GLUL: variants seen among roughly 807,000 people sequenced by gnomAD.
The protein encoded by GLUL is glutamate-ammonia ligase.
Under a neutral mutation model 36.9 loss-of-function variants are expected in GLUL, and 8 were observed. The observed-to-expected ratio is 0.22, with a 90% CI of 0.13 to 0.39. The LOEUF (loss-of-function observed/expected upper bound fraction) is 0.39. GLUL is among the 10% of genes least tolerant of loss of function. The pLI is 1.00. For missense variants in GLUL, 315 were observed against 501.8 expected, an observed-to-expected ratio of 0.63 and a Z score of 3.56; for synonymous variants, 182 against 172.8, an observed-to-expected ratio of 1.05 and a Z score of -0.42.
In GLUL at chr1:182,378,962, A is replaced by G. The variant is rs565316462; in HGVS notation, c.*5443T>C. ...AAGCCCGGCTAATTTTTGTATTTTTAGTAGAGATGGGGTTTCACCATGGTG... is the reference window on the plus strand; with the variant it reads ...AAGCCCGGCTAATTTTTGTATTTTTGGTAGAGATGGGGTTTCACCATGGTG... On this transcript the variant is annotated 3_prime_UTR_variant, in exon 7 of 7. Transcript: ENST00000331872. Among the ~76,000 whole-genome samples, 4 of 151,896 alleles carry G rather than the reference A, an allele frequency of 2.6e-5. No individual in the cohort carries two copies. Among genetic ancestry groups the G allele is most frequent in the African/African-American group, 9.7e-5 (4 of 41,424 alleles).
At chr1:182,385,921 AAGAAATCC>A in intron 4 of GLUL, 34 bp from the exon 5 acceptor site, 1 of 1,607,966 alleles carries the variant, frequency 6.2e-7, no homozygotes, top group Non-Finnish European at 8.5e-7. Flanking sequence ...ACTAAGAGTC[AAGAAATCC>A]AGAGAATCCC....
chr1:182,386,116 T>G (rs1261570620), intron 4 of GLUL, 140 bp downstream of exon 4: 54 of 947,308 alleles, frequency 5.7e-5, no homozygotes, highest in Non-Finnish European at 1.7e-6. Context: ...ATTTTTGGAC[T>G]TTGGTGATGT....
Position 182,380,176 on chromosome 1 carries a change from C to T in GLUL, c.*4229G>A, listed in dbSNP as rs758968301. ...ATAACTCTTAAAGCAACACAAGGCT[C>T]TTGGTAGCCTGATTACAATGAGAAT... On this transcript the variant is annotated 3_prime_UTR_variant, in exon 7 of 7. Transcript: ENST00000331872. 1.3e-5 allele frequency among the ~76,000 whole-genome samples: 2 copies of T among 152,198 alleles called. No homozygotes were observed. The highest frequency in any genetic ancestry group is 6.5e-5 in the Admixed American group (1 of 15,278).
In GLUL at chr1:182,382,252, C is replaced by T. The variant is rs916621349; in HGVS notation, c.*2153G>A. 1 of 152,164 alleles carries T rather than the reference C, an allele frequency of 6.6e-6. No homozygotes were observed. Among genetic ancestry groups the T allele is most frequent in the South Asian group, 2.1e-4 (1 of 4,830 alleles). The allele number at this position is 152,164 out of a possible 1,614,324, so 9.4% of individuals were successfully genotyped here. ...GGAGCCGGAGGGAGCTTTTACCCAACCTCATGAGGAATGAACGAAGGTAGG... is the reference window on the plus strand; with the variant it reads ...GGAGCCGGAGGGAGCTTTTACCCAATCTCATGAGGAATGAACGAAGGTAGG... On this transcript the variant is annotated 3_prime_UTR_variant, in exon 7 of 7. Coordinates refer to ENST00000331872, the MANE Select transcript of GLUL (RefSeq NM_001033044.4).
At chr1:182,390,012 C>A (rs751750810) in intron 1 of GLUL, 1 of 152,322 alleles carries the variant, frequency 6.6e-6, no homozygotes, top group Admixed American at 6.5e-5. Context: ...ACCTGAGGTA[C>A]AAAGTTCGAG....
Position 182,384,537 on chromosome 1 carries a change from G to C in GLUL, c.990C>G (p.Gly330=), listed in dbSNP as rs745880223. ...SASIRIPRTV[G]QEKKGYFEDR... ...CTTCAAAGTAACCCTTCTTCTCCTG[G>C]CCAACAGTCCGGGGAATGCGTATGC... Residue 330 remains glycine (G), a synonymous_variant, in exon 7 of 7, where the codon GGC becomes GGG. Transcript: ENST00000331872. 2.5e-6 allele frequency: 4 copies of C among 1,614,160 alleles called. No individual in the cohort carries two copies. The South Asian group carries it at 3.3e-5, about 13-fold the overall frequency.
rs1443427543 is a variant in GLUL at position 182,384,912 on chromosome 1, G to C, written c.804-189C>G. Reference sequence around the variant, plus strand: ...GTACAAAGTTACTGTTTGTTGAAAAGACTAATCATTTGAAACTTTCTCCCC... The same window carrying C: ...GTACAAAGTTACTGTTTGTTGAAAACACTAATCATTTGAAACTTTCTCCCC... On this transcript the variant is annotated intron_variant, in intron 6 of 6. Coordinates refer to ENST00000331872, the MANE Select transcript of GLUL (RefSeq NM_001033044.4). The C allele has an allele frequency of 6.4e-6, 4 of 625,508 alleles. No homozygotes were observed. The East Asian group carries it at 1.1e-4, about 17-fold the overall frequency. 38.7% of individuals were successfully genotyped at this position (625,508 alleles called of 1,614,324 possible). A position where few individuals can be genotyped will look rare whatever the true frequency, so the allele number is the denominator to read the frequency against.
In GLUL at chr1:182,379,661, G is replaced by C. The variant is rs940764372; in HGVS notation, c.*4744C>G. ...GTAATCTTCCCACCTCAGCCTCCCA[G>C]GTAGCTAGGACTACAGGTGCATGCC... On this transcript the variant is annotated 3_prime_UTR_variant, in exon 7 of 7. Coordinates refer to ENST00000331872, the MANE Select transcript of GLUL (RefSeq NM_001033044.4). 2.0e-5 allele frequency among the ~76,000 whole-genome samples: 3 copies of C among 151,766 alleles called. No individual in the cohort carries two copies. Among genetic ancestry groups the C allele is most frequent in the African/African-American group, 7.3e-5 (3 of 41,294 alleles).
At position 182,388,562 on chromosome 1, in the gene GLUL, G is replaced by A; in HGVS notation, c.166+10C>T. 6.2e-7 allele frequency: 1 copy of A among 1,612,680 alleles called. No homozygotes were observed. Among genetic ancestry groups the A allele is most frequent in the South Asian group, 1.1e-5 (1 of 91,038 alleles). On this transcript the variant is annotated intron_variant, in intron 2 of 6. Transcript: ENST00000331872. The stretch of plus-strand genomic sequence containing the variant: ...CCCAGCATGTGCTCCACTCCACATT[G>A]CTGTCTCACCTTCCACACACTTGGG...
rs144816065 is a variant in GLUL at position 182,381,276 on chromosome 1, A to G, written c.*3129T>C. ...AGTCAGACCCCGTCTCAAAAACAACAAAAGGCCCTAGACAACACCCATCCA... is the reference window on the plus strand; with the variant it reads ...AGTCAGACCCCGTCTCAAAAACAACGAAAGGCCCTAGACAACACCCATCCA... On this transcript the variant is annotated 3_prime_UTR_variant, in exon 7 of 7. Transcript: ENST00000331872. Among the ~76,000 whole-genome samples, 31 of 152,322 alleles carry G rather than the reference A, an allele frequency of 2.0e-4. No individual in the cohort carries two copies. The East Asian group carries it at 5.8e-3, about 28-fold the overall frequency.
chr1:182,387,159 T>G lies in GLUL; in HGVS notation c.300A>C (p.Glu100Asp). ...RKDPNKLVLCEVFKYNRRPAE... is the reference protein window; with the variant it reads ...RKDPNKLVLCDVFKYNRRPAE... ...CAGGCCTTCGATTGTACTTGAAAACTTCACATAACACCAGCTTGTTAGGGT... is the reference window on the plus strand; with the variant it reads ...CAGGCCTTCGATTGTACTTGAAAACGTCACATAACACCAGCTTGTTAGGGT... Residue 100 changes from glutamate to aspartate, a missense_variant, in exon 3 of 7, where the codon GAA becomes GAC. By Grantham distance (45) the Glu-to-Asp change is conservative. Transcript: ENST00000331872. The G allele has an allele frequency of 1.2e-6, 2 of 1,613,954 alleles. No homozygotes were observed. The highest frequency in any genetic ancestry group is 2.2e-5 in the East Asian group (1 of 44,874).
chr1:182,390,287 C>G (rs1273967158), intron 1 of GLUL: 1 of 388,064 alleles, frequency 2.6e-6, no homozygotes, highest in Non-Finnish European at 4.5e-6. Context: ...TGTTACACCA[C>G]CAATATCATG....
chr1:182,386,083 C>CTAAG (rs1482991019), intron 4 of GLUL, 173 bp downstream of exon 4: 3 of 878,298 alleles, frequency 3.4e-6, no homozygotes, highest in Non-Finnish European at 5.8e-6. Flanking sequence ...CCCCCTAAAA[C>CTAAG]CTTACTTTAT....
In GLUL at chr1:182,390,641, G is replaced by A. The variant is rs532574396; in HGVS notation, c.-14+1038C>T. The A allele has an allele frequency of 3.7e-4, 147 of 399,492 alleles. No homozygotes were observed. The highest frequency in any genetic ancestry group is 5.7e-4 in the Non-Finnish European group (129 of 226,454). The allele number at this position is 399,492 out of a possible 1,614,324, so 24.7% of individuals were successfully genotyped here. A position where few individuals can be genotyped will look rare whatever the true frequency, so the allele number is the denominator to read the frequency against. On this transcript the variant is annotated intron_variant, in intron 1 of 6. Coordinates refer to ENST00000331872, the MANE Select transcript of GLUL (RefSeq NM_001033044.4). ...TCTGGGAGAGGGCGATGGAGAAGGG[G>A]ACAGACAGCGGCCGGCCCGGGGGGT... is the stretch of plus-strand genomic sequence containing the variant.
At position 182,380,380 on chromosome 1, in the gene GLUL, T is replaced by C. The variant is rs1649885808; in HGVS notation, c.*4025A>G. The stretch of plus-strand genomic sequence containing the variant: ...TGGAGTGCAGTGGTGCAATCACAAT[T>C]CACTGCAGCTTCAATTTCCTGGGCT... On this transcript the variant is annotated 3_prime_UTR_variant, in exon 7 of 7. Transcript: ENST00000331872. 6.6e-6 allele frequency among the ~76,000 whole-genome samples: 1 copy of C among 152,210 alleles called. No homozygotes were observed. Among genetic ancestry groups the C allele is most frequent in the Non-Finnish European group, 1.5e-5 (1 of 68,036 alleles).
Position 182,379,110 on chromosome 1 carries a change from C to T in GLUL, c.*5295G>A, listed in dbSNP as rs114724499. Among the ~76,000 whole-genome samples the T allele has an allele frequency of 0.013, 1,980 of 151,896 alleles. 39 individuals are homozygous for T. The highest frequency in any genetic ancestry group is 0.045 in the African/African-American group (1,878 of 41,434). ...AGTAGAATTTTTTTAAATGAACGGT[C>T]GGAGATCGAGCTAAAGGCTATAAAA... On this transcript the variant is annotated 3_prime_UTR_variant, in exon 7 of 7. Coordinates refer to ENST00000331872, the MANE Select transcript of GLUL (RefSeq NM_001033044.4).
Position 182,379,754 on chromosome 1 carries a change from T to C in GLUL, c.*4651A>G, listed in dbSNP as rs1286902045. ...TTTTGTCATGTTGCCCAGGCTAGTC[T>C]CGAACTTCTGAGCTCAAGTGATCTA... On this transcript the variant is annotated 3_prime_UTR_variant, in exon 7 of 7. Transcript: ENST00000331872. 2.6e-5 allele frequency among the ~76,000 whole-genome samples: 4 copies of C among 152,050 alleles called. No homozygotes were observed. Among genetic ancestry groups the C allele is most frequent in the Non-Finnish European group, 4.4e-5 (3 of 67,998 alleles).
intron 1 of GLUL, chr1:182,390,417 G>C: frequency 2.5e-6 from 1 of 398,170 alleles, no homozygotes; most frequent in South Asian, 1.4e-4. Context: ...GTTTACGTGG[G>C]GGAAATGGAT....
rs1650176247 is a variant in GLUL at position 182,386,269 on chromosome 1, G to A, written c.462C>T (p.Phe154=). Residue 154 remains phenylalanine (F), a synonymous_variant, in exon 4 of 7, where the codon TTC becomes TTT. Transcript: ENST00000331872. ...GHPFGWPSNG[F]PGPQGPYYCG... ...AAGGAGACTTACCCTGGGGCCCTGG[G>A]AAGCCGTTGGAAGGCCAACCAAAGG... The A allele has an allele frequency of 1.2e-6, 2 of 1,613,474 alleles. No homozygotes were observed. The highest frequency in any genetic ancestry group is 1.7e-6 in the Non-Finnish European group (2 of 1,179,764).
Sources: allele counts gnomAD v4.1 joint callset (sites outside exome capture counted in the v4.1 genomes callset), GRCh38; gene constraint gnomAD v4.1.1; transcripts MANE v1.5; gene names NCBI Gene and HGNC (gene_info 2026-07-23, HGNC 2026-07-21).